The following CDH13 variants were observed in gnomAD, a reference collection of about 807,000 sequenced individuals.
CDH13 encodes cadherin 13.
In CDH13, 24 loss-of-function variants were observed where a neutral mutation model predicts 63.8. That is an observed-to-expected ratio of 0.38 (90% CI 0.27 to 0.53). The LOEUF is 0.53. CDH13 is among the 20% of genes least tolerant of loss of function. The pLI is 0.85. For missense variants in CDH13, 1,049 were observed against 903.1 expected, an observed-to-expected ratio of 1.16 and a Z score of -2.07; for synonymous variants, 503 against 355.3, an observed-to-expected ratio of 1.42 and a Z score of -4.67.
intron 7 of CDH13, among the ~76,000 whole-genome samples, chr16:83,532,926 C>A (rs1470224751): frequency 6.6e-6 from 1 of 152,224 alleles, no homozygotes; most frequent in East Asian, 1.9e-4. Context: ...AGCAGCGTGG[C>A]TTGTTAGTTC....
chr16:82,813,939 C>T (rs59432304), intron 1 of CDH13, among the ~76,000 whole-genome samples: 9,958 of 152,146 alleles, frequency 0.065, 377 homozygotes, highest in Middle Eastern at 0.1. Flanking sequence ...GATAATATTA[C>T]CTACCTCATA....
rs191793057 is a variant in CDH13, at chr16:83,447,762, T to C, written c.782-38715T>C. ...AAATTATATTTTATATTATATATAT[T>C]AAATATTGATTTATTTTTTATAATT... On this transcript the variant is annotated intron_variant, in intron 6 of 13. Transcript: ENST00000567109. Among the ~76,000 whole-genome samples the C allele has an allele frequency of 1.8e-3, 268 of 149,086 alleles. 1 individual carries two copies. The highest frequency in any genetic ancestry group is 6.2e-3 in the African/African-American group (253 of 40,994).
chr16:82,821,532 C>A (rs954305784), intron 1 of CDH13, among the ~76,000 whole-genome samples: 1 of 152,138 alleles, frequency 6.6e-6, no homozygotes, highest in Non-Finnish European at 1.5e-5. Context: ...AGAGCCTTGA[C>A]CATTCAAACC....
At chr16:83,316,932 G>GCTT (rs2090118824) in intron 5 of CDH13, among the ~76,000 whole-genome samples, 1 of 152,208 alleles carries the variant, frequency 6.6e-6, no homozygotes, top group Non-Finnish European at 1.5e-5. Context: ...GGATTCCACG[G>GCTT]CTTCGCCTTT....
rs919357052 is a variant in CDH13, at chr16:83,394,790, C to T, written c.781+49784C>T. Among the ~76,000 whole-genome samples, 19 of 152,002 alleles carry T rather than the reference C, an allele frequency of 1.2e-4. 1 individual carries two copies. The highest frequency in any genetic ancestry group is 1.1e-3 in the Admixed American group (17 of 15,252). The stretch of plus-strand genomic sequence containing the variant: ...GGAGGGATGAGAAATGGTTAGTATC[C>T]GCAGGGGTTTGAAAGGGCTGACTGA... On this transcript the variant is annotated intron_variant, in intron 6 of 13. Coordinates refer to ENST00000567109, the MANE Select transcript of CDH13 (RefSeq NM_001257.5).
At chr16:83,123,917 A>G (rs1385949420) in intron 3 of CDH13, among the ~76,000 whole-genome samples, 2 of 152,218 alleles carry the variant, frequency 1.3e-5, no homozygotes, top group Non-Finnish European at 2.9e-5. Flanking sequence ...ATAAGATGAT[A>G]TCGCATTGTC....
At chr16:82,751,696 A>G (rs12598962) in intron 1 of CDH13, among the ~76,000 whole-genome samples, 24,925 of 134,934 alleles carry the variant, frequency 0.18, 2,393 homozygotes, top group East Asian at 0.49. Flanking sequence ...AGACCATGGA[A>G]AACAGGTAAA....
At chr16:83,628,455 A>G (rs1163356720) in intron 8 of CDH13, among the ~76,000 whole-genome samples, 1 of 152,066 alleles carries the variant, frequency 6.6e-6, no homozygotes, top group Non-Finnish European at 1.5e-5. Context: ...CTCTGTCTCC[A>G]CTGATAAGTC....
chr16:83,267,871 A>G (rs2088672557), intron 5 of CDH13, among the ~76,000 whole-genome samples: 1 of 152,214 alleles, frequency 6.6e-6, no homozygotes, highest in Non-Finnish European at 1.5e-5. Context: ...CTTTCCCAGA[A>G]GTTCCCATGC....
At chr16:83,680,006 G>C (rs575278597) in intron 10 of CDH13, among the ~76,000 whole-genome samples, 5 of 152,186 alleles carry the variant, frequency 3.3e-5, no homozygotes, top group Non-Finnish European at 7.4e-5. Flanking sequence ...GGAAGGTCAG[G>C]CTGGGTTGTT....
At chr16:83,252,391 C>G (rs951652560) in intron 5 of CDH13, among the ~76,000 whole-genome samples, 2 of 151,374 alleles carry the variant, frequency 1.3e-5, no homozygotes, top group Non-Finnish European at 2.9e-5. Context: ...GCCATAACTT[C>G]CTAATGAATG....
At chr16:83,472,499 C>T (rs1388147070) in intron 6 of CDH13, among the ~76,000 whole-genome samples, 2 of 152,150 alleles carry the variant, frequency 1.3e-5, no homozygotes, top group African/African-American at 4.8e-5. Flanking sequence ...GTAGCAGAGG[C>T]AGTGGAGTCA....
intron 10 of CDH13, among the ~76,000 whole-genome samples, chr16:83,696,335 CT>C (rs1407854814): frequency 1.3e-5 from 2 of 152,160 alleles, no homozygotes; most frequent in African/African-American, 2.4e-5. Context: ...AAGATGGGGT[CT>C]TCATGTGCAG....
At chr16:83,190,760 T>G (rs2038672685) in intron 4 of CDH13, among the ~76,000 whole-genome samples, 1 of 152,236 alleles carries the variant, frequency 6.6e-6, no homozygotes, top group African/African-American at 2.4e-5. Flanking sequence ...TTAACCATTA[T>G]GAAGACAAAT....
At chr16:82,899,019 C>T (rs1367247210) in intron 2 of CDH13, among the ~76,000 whole-genome samples, 1 of 152,164 alleles carries the variant, frequency 6.6e-6, no homozygotes, top group Non-Finnish European at 1.5e-5. Flanking sequence ...TCAGACTGTC[C>T]CCCAAGATCA....
chr16:82,879,452 G>T (rs992993107), intron 2 of CDH13, among the ~76,000 whole-genome samples: 1 of 142,478 alleles, frequency 7.0e-6, no homozygotes, highest in Admixed American at 7.2e-5. Flanking sequence ...TATATATGTA[G>T]AAAAATATAT....
chr16:83,217,746 C>A (rs1414671644), intron 5 of CDH13, among the ~76,000 whole-genome samples: 1 of 152,098 alleles, frequency 6.6e-6, no homozygotes, highest in African/African-American at 2.4e-5. Context: ...AGAAGGGAGA[C>A]CCTGGGGGCA....
At chr16:83,578,320 G>A (rs1905232913) in intron 7 of CDH13, among the ~76,000 whole-genome samples, 1 of 152,200 alleles carries the variant, frequency 6.6e-6, no homozygotes, top group South Asian at 2.1e-4. Flanking sequence ...AATTTGCTGG[G>A]ACTTAAGGTT....
At chr16:82,913,225 T>A (rs28374239) in intron 2 of CDH13, among the ~76,000 whole-genome samples, 2 of 152,136 alleles carry the variant, frequency 1.3e-5, no homozygotes, top group African/African-American at 4.8e-5. Flanking sequence ...GGAGTTTACC[T>A]ATTTTTTCCA....
Sources: gnomAD v4.1 joint callset for allele counts (sites outside exome capture counted in the v4.1 genomes callset) on GRCh38, gnomAD v4.1.1 for gene constraint, MANE v1.5 for transcripts, NCBI Gene and HGNC (gene_info 2026-07-23, HGNC 2026-07-21) for gene names.